OSTC: variants seen among roughly 807,000 people sequenced by gnomAD.
OSTC encodes the protein oligosaccharyltransferase complex non-catalytic subunit.
In OSTC, 16 loss-of-function variants were observed where a neutral mutation model predicts 16.4. The ratio of observed to expected loss-of-function variants is 0.98; its 90% CI spans 0.66 to 1.49. The LOEUF (loss-of-function observed/expected upper bound fraction) is 1.49. OSTC is among the 40% of genes most tolerant of loss of function. OSTC has a pLI of 0.00. For missense variants in OSTC, 139 were observed against 186.3 expected, an observed-to-expected ratio of 0.75 and a Z score of 1.48; for synonymous variants, 67 against 68.5, an observed-to-expected ratio of 0.98 and a Z score of 0.11.
At chr4:108,657,166 C>T (rs954193293) in intron 2 of OSTC, among the ~76,000 whole-genome samples, 9 of 151,398 alleles carry the variant, frequency 5.9e-5, no homozygotes, top group East Asian at 1.9e-4. Flanking sequence ...TGAGGTTTTA[C>T]GACATTTTTT....
intron 1 of OSTC, among the ~76,000 whole-genome samples, chr4:108,651,811 A>G (rs1490278878): frequency 1.3e-5 from 2 of 152,316 alleles, no homozygotes; most frequent in African/African-American, 4.8e-5. Flanking sequence ...ATTTTCATAG[A>G]TGTTTTGTGA....
At chr4:108,660,335 C>T (rs565256278) in intron 3 of OSTC, among the ~76,000 whole-genome samples, 1 of 152,256 alleles carries the variant, frequency 6.6e-6, no homozygotes, top group South Asian at 2.1e-4. Context: ...TATCATTTCT[C>T]ATCTGCAGCT....
chr4:108,657,768 C>A, intron 3 of OSTC, 121 bp downstream of exon 3: 1 of 877,214 alleles, frequency 1.1e-6, no homozygotes, highest in Non-Finnish European at 1.7e-6. Context: ...ATCCAGAAAC[C>A]AAATATATTT....
At position 108,657,555 on chromosome 4, in the gene OSTC, A is replaced by G; in HGVS notation, c.339A>G (p.Pro113=). The part of the protein sequence containing the change: ...ILDRSNAPNI[P]KLNRFLLLFI... ...ACCGATCGAATGCACCAAATATCCC[A>G]AAACTCAATAGATTCCTTCTTCTGT... Residue 113 remains proline, a synonymous_variant, in exon 3 of 4, where the codon CCA becomes CCG. Transcript: ENST00000361564. 6.2e-7 allele frequency: 1 copy of G among 1,613,770 alleles called. No homozygotes were observed. Among genetic ancestry groups the G allele is most frequent in the East Asian group, 2.2e-5 (1 of 44,836 alleles).
Position 108,657,570 on chromosome 4 carries a change from C to T in OSTC, c.354C>T (p.Phe118=). 6.2e-7 allele frequency: 1 copy of T among 1,613,690 alleles called. No individual in the cohort carries two copies. Among genetic ancestry groups the T allele is most frequent in the African/African-American group, 1.3e-5 (1 of 75,014 alleles). ...NAPNIPKLNR[F]LLLFIGFVCV... ...CAAATATCCCAAAACTCAATAGATT[C>T]CTTCTTCTGTTCATTGGATTCGTCT... The change falls in exon 3 of 4, where the codon TTC becomes TTT. Residue 118 remains phenylalanine (F), a synonymous_variant. Transcript: ENST00000361564.
At chr4:108,653,029 G>A (rs1187145082) in intron 1 of OSTC, among the ~76,000 whole-genome samples, 1 of 151,894 alleles carries the variant, frequency 6.6e-6, no homozygotes, top group African/African-American at 2.4e-5. Context: ...ACAGAGCAAG[G>A]CCCTGTTTCA....
intron 3 of OSTC, among the ~76,000 whole-genome samples, chr4:108,664,158 C>G (rs563178021): frequency 6.7e-6 from 1 of 149,082 alleles, no homozygotes; most frequent in Non-Finnish European, 1.5e-5. Flanking sequence ...CCAAATTGTC[C>G]TTAAGGTAAA....
intron 3 of OSTC, among the ~76,000 whole-genome samples, chr4:108,665,533 G>GTTTTGTTTTGTTTTGTTTTGTTT (rs33968685): frequency 0.011 from 1,377 of 125,954 alleles, 19 homozygotes; most frequent in African/African-American, 0.027. Flanking sequence ...AGGATGTTTT[G>GTTTTGTTTTGTTTTGTTTTGTTT]TGTTTTGTTT....
chr4:108,661,415 G>A (rs950529665), intron 3 of OSTC, among the ~76,000 whole-genome samples: 3 of 152,060 alleles, frequency 2.0e-5, no homozygotes, highest in South Asian at 2.1e-4. Context: ...GTATGTATGC[G>A]TCTGTATGTT....
At chr4:108,664,815 A>G (rs1206277243) in intron 3 of OSTC, among the ~76,000 whole-genome samples, 1 of 151,948 alleles carries the variant, frequency 6.6e-6, no homozygotes, top group African/African-American at 2.4e-5. Flanking sequence ...GATGGTTTCA[A>G]TCTCTTGACC....
chr4:108,650,799 C>T lies in OSTC; in HGVS notation c.139+5C>T. Reference sequence around the variant, plus strand: ...CTTACTTCCTCATCACCGGAGGTAACTCGGGCTGTCGGGCCCGAGAGGCTG... The same window carrying T: ...CTTACTTCCTCATCACCGGAGGTAATTCGGGCTGTCGGGCCCGAGAGGCTG... On this transcript the variant is annotated splice_donor_5th_base_variant and intron_variant, in intron 1 of 3. Transcript: ENST00000361564. 1 of 1,614,090 alleles carries T rather than the reference C, an allele frequency of 6.2e-7. No individual in the cohort carries two copies. Among genetic ancestry groups the T allele is most frequent in the Non-Finnish European group, 8.5e-7 (1 of 1,180,002 alleles).
At chr4:108,650,879 C>G (rs1726515312) in intron 1 of OSTC, 85 bp downstream of exon 1, 1 of 1,583,706 alleles carries the variant, frequency 6.3e-7, no homozygotes, top group Non-Finnish European at 8.6e-7. Flanking sequence ...TGACTCTCAG[C>G]CCCGGGGGAA....
intron 1 of OSTC, among the ~76,000 whole-genome samples, chr4:108,652,944 CAGG>C (rs1726595488): frequency 6.6e-6 from 1 of 152,206 alleles, no homozygotes; most frequent in Non-Finnish European, 1.5e-5. Flanking sequence ...GAGGCTGAGG[CAGG>C]AGAATTGCTT....
intron 3 of OSTC, among the ~76,000 whole-genome samples, chr4:108,662,408 A>G (rs1037834586): frequency 6.6e-6 from 1 of 152,260 alleles, no homozygotes; most frequent in African/African-American, 2.4e-5. Flanking sequence ...TCATATTTGT[A>G]TGTAGCAAAT....
chr4:108,658,929 C>T (rs1200876672), intron 3 of OSTC, among the ~76,000 whole-genome samples: 1 of 144,944 alleles, frequency 6.9e-6, no homozygotes, highest in Non-Finnish European at 1.5e-5. Flanking sequence ...AGCTGAATAT[C>T]TGTGTGGCCA....
At position 108,656,348 on chromosome 4, in the gene OSTC, G is replaced by C. The variant is rs908703309; in HGVS notation, c.233+691G>C. Among the ~76,000 whole-genome samples, 30 of 152,098 alleles carry C rather than the reference G, an allele frequency of 2.0e-4. 1 individual carries two copies. The highest frequency in any genetic ancestry group is 7.0e-4 in the African/African-American group (29 of 41,464). Reference sequence around the variant, plus strand: ...AAGATTTATTAGTATTCTCTGTGGAGGGGAGTTAATGACAGGTTGATGGTA... The same window carrying C: ...AAGATTTATTAGTATTCTCTGTGGACGGGAGTTAATGACAGGTTGATGGTA... On this transcript the variant is annotated intron_variant, in intron 2 of 3. Coordinates refer to ENST00000361564, the MANE Select transcript of OSTC (RefSeq NM_021227.4).
intron 3 of OSTC, among the ~76,000 whole-genome samples, chr4:108,658,609 T>C (rs542595430): frequency 6.6e-6 from 1 of 152,198 alleles, no homozygotes; most frequent in East Asian, 1.9e-4. Flanking sequence ...TATATTCTAA[T>C]TTAATTCATG....
Position 108,667,207 on chromosome 4 carries a change from A to G in OSTC, c.432-40A>G, listed in dbSNP as rs72893200. ...ATGATAATAAGAGAATATAAAAACA[A>G]TTCTTTTCACTTTTTGTGCTTATAA... On this transcript the variant is annotated intron_variant, in intron 3 of 3. Coordinates refer to ENST00000361564, the MANE Select transcript of OSTC (RefSeq NM_021227.4). 2.6e-4 allele frequency: 416 copies of G among 1,572,604 alleles called. 2 individuals are homozygous for G. The African/African-American group carries it at 5.1e-3, about 19-fold the overall frequency.
At chr4:108,663,173 G>A in intron 3 of OSTC, 1 of 455,510 alleles carries the variant, frequency 2.2e-6, no homozygotes, top group Non-Finnish European at 4.4e-6. Context: ...TTAGATTATG[G>A]CCACAGTTTC....
Sources: allele counts gnomAD v4.1 joint callset (sites outside exome capture counted in the v4.1 genomes callset), GRCh38; gene constraint gnomAD v4.1.1; transcripts MANE v1.5; gene names NCBI Gene and HGNC (gene_info 2026-07-23, HGNC 2026-07-21).